Variants in XDH observed in about 807,000 individuals in gnomAD.
The protein encoded by XDH is xanthine dehydrogenase.
A neutral mutation model predicts 156.1 loss-of-function variants in XDH; 138 were observed. The observed-to-expected ratio is 0.88, with a 90% CI of 0.77 to 1.02. The LOEUF (loss-of-function observed/expected upper bound fraction) is 1.02, where lower values mean the gene tolerates loss of function less well. XDH is among the 50% of genes least tolerant of loss of function. The probability of loss-of-function intolerance (pLI) is 0.00; values close to 1 mark genes in which losing one functional copy is unlikely to be tolerated. For synonymous variants in XDH, 669 were observed against 625.7 expected, an observed-to-expected ratio of 1.07 and a Z score of -1.03; for missense variants, 1,849 against 1,684.9, an observed-to-expected ratio of 1.10 and a Z score of -1.71.
At chr2:31,339,707 C>T in intron 33 of XDH, 30 bp from the exon 34 acceptor site, 4 of 1,611,584 alleles carry the variant, frequency 2.5e-6, no homozygotes, top group Non-Finnish European at 3.4e-6. Context: ...CACAGTTAGC[C>T]TGCCACCTTC....
chr2:31,401,678 T>G (rs958069912), intron 3 of XDH, among the ~76,000 whole-genome samples: 3 of 152,234 alleles, frequency 2.0e-5, no homozygotes, highest in African/African-American at 7.2e-5. Flanking sequence ...TCTGGCAGGC[T>G]GCAGCCTTAA....
intron 2 of XDH, among the ~76,000 whole-genome samples, 200 bp from the exon 3 acceptor site, chr2:31,403,344 A>G (rs1388210870): frequency 6.6e-6 from 1 of 152,200 alleles, no homozygotes; most frequent in Non-Finnish European, 1.5e-5. Context: ...GAACACGGCC[A>G]TCTCCACTGC....
chr2:31,373,866 T>C lies in XDH; in HGVS notation c.1686+7A>G. The stretch of plus-strand genomic sequence containing the variant: ...CCTGATATTAGCCATACACTGACCG[T>C]ACTCACTTGGAAGAGCTGGACATCG... On this transcript the variant is annotated splice_region_variant and intron_variant, in intron 16 of 35. Coordinates refer to ENST00000379416, the MANE Select transcript of XDH (RefSeq NM_000379.4). 1.2e-6 allele frequency: 2 copies of C among 1,613,642 alleles called. No homozygotes were observed. Among genetic ancestry groups the C allele is most frequent in the Admixed American group, 3.3e-5 (2 of 59,982 alleles).
intron 5 of XDH, 135 bp downstream of exon 5, chr2:31,398,438 T>TCAC (rs947833455): frequency 6.6e-7 from 1 of 1,520,202 alleles, no homozygotes; most frequent in African/African-American, 1.4e-5. Context: ...CAGATCTTAG[T>TCAC]CACCACCTTG....
At position 31,341,323 on chromosome 2, in the gene XDH, C is replaced by A. The variant is rs369248960; in HGVS notation, c.3585+6G>T. On this transcript the variant is annotated splice_donor_region_variant and intron_variant, in intron 33 of 35. Transcript: ENST00000379416. Reference sequence around the variant, plus strand: ...CTGTCACCACCCTGGTCCCACTGAGCCTCACCTGTCCAATATCAATGGCAG... The same window carrying A: ...CTGTCACCACCCTGGTCCCACTGAGACTCACCTGTCCAATATCAATGGCAG... 2 of 1,566,932 alleles carry A rather than the reference C, an allele frequency of 1.3e-6. No individual in the cohort carries two copies. The highest frequency in any genetic ancestry group is 1.7e-6 in the Non-Finnish European group (2 of 1,153,536).
At chr2:31,414,350 T>G (rs142572205) in intron 1 of XDH, among the ~76,000 whole-genome samples, 41 of 152,066 alleles carry the variant, frequency 2.7e-4, no homozygotes, top group Admixed American at 4.6e-4. Flanking sequence ...TCTCCACTAC[T>G]GCAGAGAGTT....
chr2:31,336,316 T>C (rs990109518), intron 35 of XDH, among the ~76,000 whole-genome samples: 1 of 152,246 alleles, frequency 6.6e-6, no homozygotes, highest in Non-Finnish European at 1.5e-5. Context: ...CAGCTGCTCA[T>C]GCAAATCCAT....
chr2:31,348,452 G>A (rs748290441), intron 27 of XDH, 89 bp from the exon 28 acceptor site: 313 of 1,248,758 alleles, frequency 2.5e-4, no homozygotes, highest in Non-Finnish European at 3.4e-4. Flanking sequence ...CCAGGAACAA[G>A]AGAACCAGCA....
chr2:31,382,937 G>T, intron 11 of XDH, 64 bp downstream of exon 11: 1 of 1,610,122 alleles, frequency 6.2e-7, no homozygotes, highest in Non-Finnish European at 8.5e-7. Flanking sequence ...TGAGAGTCTG[G>T]CTGCCCTGCT....
chr2:31,366,598 T>C (rs1685920546), intron 21 of XDH, among the ~76,000 whole-genome samples: 1 of 152,162 alleles, frequency 6.6e-6, no homozygotes, highest in African/African-American at 2.4e-5. Flanking sequence ...TGTACCAAAC[T>C]CTAGTCTAAA....
intron 24 of XDH, among the ~76,000 whole-genome samples, chr2:31,354,995 CT>C (rs1685587364): frequency 6.6e-6 from 1 of 152,148 alleles, no homozygotes; most frequent in Admixed American, 6.5e-5. Context: ...CATAATTAAA[CT>C]TCTGAAAACT....
intron 6 of XDH, 141 bp downstream of exon 6, chr2:31,397,527 C>T (rs1686943120): frequency 1.1e-5 from 11 of 1,033,468 alleles, no homozygotes; most frequent in African/African-American, 1.6e-5. Context: ...TGCCAGATGT[C>T]CCCAGAGGGA....
At chr2:31,407,913 A>G (rs1369794677) in intron 1 of XDH, among the ~76,000 whole-genome samples, 1 of 152,224 alleles carries the variant, frequency 6.6e-6, no homozygotes, top group Admixed American at 6.5e-5. Context: ...AGAAGTAATC[A>G]TAAATGCACA....
At chr2:31,390,800 T>C (rs547888593) in intron 6 of XDH, among the ~76,000 whole-genome samples, 3 of 152,322 alleles carry the variant, frequency 2.0e-5, no homozygotes, top group Admixed American at 2.0e-4. Flanking sequence ...TCCATATACC[T>C]TCTTTGGTGA....
intron 13 of XDH, among the ~76,000 whole-genome samples, chr2:31,377,803 T>C (rs183362375): frequency 6.7e-6 from 1 of 148,562 alleles, no homozygotes; most frequent in East Asian, 2.0e-4. Flanking sequence ...GAGGAGTACT[T>C]AAAACCAAAT....
Position 31,341,323 on chromosome 2 carries a change from C to G in XDH, c.3585+6G>C, listed in dbSNP as rs369248960. 40 of 1,566,932 alleles carry G rather than the reference C, an allele frequency of 2.6e-5. No homozygotes were observed. Among genetic ancestry groups the G allele is most frequent in the Non-Finnish European group, 3.3e-5 (38 of 1,153,536 alleles). On this transcript the variant is annotated splice_donor_region_variant and intron_variant, in intron 33 of 35. Transcript: ENST00000379416. ...CTGTCACCACCCTGGTCCCACTGAGCCTCACCTGTCCAATATCAATGGCAG... is the reference window on the plus strand; with the variant it reads ...CTGTCACCACCCTGGTCCCACTGAGGCTCACCTGTCCAATATCAATGGCAG...
chr2:31,342,015 G>T (rs45486398), intron 32 of XDH, among the ~76,000 whole-genome samples, 168 bp downstream of exon 32: 2 of 152,138 alleles, frequency 1.3e-5, no homozygotes, highest in Non-Finnish European at 2.9e-5. Flanking sequence ...TATGGCCCAC[G>T]AAGTCTAAAA....
At chr2:31,380,512 A>G (rs1686409188) in intron 12 of XDH, among the ~76,000 whole-genome samples, 1 of 152,236 alleles carries the variant, frequency 6.6e-6, no homozygotes, top group Non-Finnish European at 1.5e-5. Context: ...GAGGCTGCCT[A>G]TGTGATGAGC....
At chr2:31,358,781 AAAAC>A (rs1160569574) in intron 24 of XDH, among the ~76,000 whole-genome samples, 3 of 152,180 alleles carry the variant, frequency 2.0e-5, no homozygotes, top group Admixed American at 6.5e-5. Flanking sequence ...GTATCTACAA[AAAAC>A]AAACAAACAA....
Sources: allele counts gnomAD v4.1 joint callset (sites outside exome capture counted in the v4.1 genomes callset), GRCh38; gene constraint gnomAD v4.1.1; transcripts MANE v1.5; gene names NCBI Gene and HGNC (gene_info 2026-07-23, HGNC 2026-07-21).